The following RFLNA variants were observed in gnomAD, a reference collection of about 807,000 sequenced individuals.
The protein encoded by RFLNA is refilin-A.
Under a neutral mutation model 7.8 loss-of-function variants are expected in RFLNA, and 5 were observed. The ratio of observed to expected loss-of-function variants is 0.64; its 90% CI spans 0.34 to 1.35. RFLNA has a LOEUF of 1.35. RFLNA is among the 40% of genes most tolerant of loss of function. The pLI, the probability that RFLNA is intolerant of heterozygous loss-of-function variation, is 0.04. For synonymous variants in RFLNA, 141 were observed against 131.3 expected, an observed-to-expected ratio of 1.07 and a Z score of -0.50; for missense variants, 278 against 305.5, an observed-to-expected ratio of 0.91 and a Z score of 0.67.
rs995340660 is a variant in RFLNA, at chr12:124,306,899, A to T, written c.208-4919A>T. ...CCGCCCAGCCCGATGTCCACCCTCC[A>T]CTCCCTCTGCCCGAGGCCGGTGTGC... On this transcript the variant is annotated intron_variant, in intron 1 of 2. Transcript: ENST00000546355. This position sits in a 1 kb window ranked among gnomAD's most constrained non-coding sequence, Gnocchi z 5.2. 5.9e-5 allele frequency among the ~76,000 whole-genome samples: 9 copies of T among 151,652 alleles called. No individual in the cohort carries two copies. The highest frequency in any genetic ancestry group is 1.2e-4 in the Non-Finnish European group (8 of 67,926).
At chr12:124,291,125 C>T (rs924834841), upstream of RFLNA, among the ~76,000 whole-genome samples, 1 of 152,220 alleles carries the variant, frequency 6.6e-6, no homozygotes, top group Admixed American at 6.5e-5. Flanking sequence ...AGCCTTCCCC[C>T]ACATCCACCC....
chr12:124,311,774 C>A, intron 1 of RFLNA, 44 bp from the exon 2 acceptor site: 1 of 1,485,466 alleles, frequency 6.7e-7, no homozygotes, highest in Non-Finnish European at 9.0e-7. Context: ...GAGGCCACTG[C>A]AACAAGGGGC....
At chr12:124,308,610 C>A (rs1306874244) in intron 1 of RFLNA, among the ~76,000 whole-genome samples, 1 of 152,242 alleles carries the variant, frequency 6.6e-6, no homozygotes, top group Non-Finnish European at 1.5e-5. Context: ...GGTTTCAGAC[C>A]AGACTGTGAC....
chr12:124,310,180 A>AAAAAAG (rs2034215045), intron 1 of RFLNA, among the ~76,000 whole-genome samples: 1 of 142,378 alleles, frequency 7.0e-6, no homozygotes, highest in African/African-American at 2.5e-5. Flanking sequence ...CTCAAAAAAA[A>AAAAAAG]AAAAAAAAAA....
intron 1 of RFLNA, among the ~76,000 whole-genome samples, chr12:124,304,405 C>G (rs2034102410): frequency 6.6e-6 from 1 of 150,722 alleles, no homozygotes; most frequent in South Asian, 2.1e-4. Context: ...CAGCGGGACC[C>G]TTTGGCAAAT....
intron 1 of RFLNA, among the ~76,000 whole-genome samples, chr12:124,300,762 G>T (rs139662000): frequency 0.21 from 14,263 of 68,730 alleles, 684 homozygotes; most frequent in Non-Finnish European, 0.26. Flanking sequence ...ATGGATGGAT[G>T]GATGGATGGA....
At chr12:124,313,283 C>G (rs1047890028) in intron 2 of RFLNA, among the ~76,000 whole-genome samples, 2 of 152,146 alleles carry the variant, frequency 1.3e-5, no homozygotes, top group East Asian at 3.9e-4. Flanking sequence ...GTCTGATTTC[C>G]TAAAGCTCTG....
rs1171430493 is a variant in RFLNA at position 124,316,007 on chromosome 12, TA to T, written c.*1485del. 1 of 152,258 alleles carries T rather than the reference TA, an allele frequency of 6.6e-6. No homozygotes were observed. The highest frequency in any genetic ancestry group is 1.5e-5 in the Non-Finnish European group (1 of 68,048). 9.4% of individuals were successfully genotyped at this position (152,258 alleles called of 1,614,324 possible). A position where few individuals can be genotyped will look rare whatever the true frequency, so the allele number is the denominator to read the frequency against. Reference sequence around the variant, plus strand: ...TTAAGAAATTGATTGATTATCTTAATAAACTGTGCAAACCCAACGGGACTTC... The same window carrying T: ...TTAAGAAATTGATTGATTATCTTAATAACTGTGCAAACCCAACGGGACTTC... On this transcript the variant is annotated 3_prime_UTR_variant, in exon 3 of 3. Transcript: ENST00000546355.
At chr12:124,296,126 C>CTTTCTTTCTTTCTT (rs1566320083) in intron 1 of RFLNA, among the ~76,000 whole-genome samples, 1 of 1,518 alleles carries the variant, frequency 6.6e-4, no homozygotes, top group African/African-American at 1.1e-3. Flanking sequence ...CTTTCTTTCT[C>CTTTCTTTCTTTCTT]TCTCTCTCTC....
intron 1 of RFLNA, among the ~76,000 whole-genome samples, chr12:124,302,803 G>GC (rs2034062251): frequency 7.0e-6 from 1 of 143,518 alleles, no homozygotes; most frequent in South Asian, 2.3e-4. Flanking sequence ...GAGGTCAGGG[G>GC]CTGAGGTCAG....
chr12:124,303,815 G>T lies in RFLNA; in HGVS notation c.208-8003G>T, dbSNP rs531083754. Among the ~76,000 whole-genome samples, 14 of 152,318 alleles carry T rather than the reference G, an allele frequency of 9.2e-5. No homozygotes were observed. The South Asian group carries it at 2.5e-3, about 27-fold the overall frequency. On this transcript the variant is annotated intron_variant, in intron 1 of 2. Transcript: ENST00000546355. ...TAGACCAGAACAGGAGCCCGGGCCT[G>T]TGGGAGGGCGCTGCAGCCTCACAGA... is the stretch of plus-strand genomic sequence containing the variant.
chr12:124,304,099 C>A (rs946869373), intron 1 of RFLNA, among the ~76,000 whole-genome samples: 2 of 152,258 alleles, frequency 1.3e-5, no homozygotes, highest in African/African-American at 4.8e-5. Flanking sequence ...ACTTCCCTTG[C>A]CCACTCCCCA....
upstream of RFLNA, among the ~76,000 whole-genome samples, chr12:124,291,505 C>G (rs533150912): frequency 1.3e-5 from 2 of 152,276 alleles, no homozygotes; most frequent in African/African-American, 4.8e-5. Flanking sequence ...GATCCACGCA[C>G]CTTGGCCTCC....
At chr12:124,295,753 C>A in intron 1 of RFLNA, 117 bp downstream of exon 1, 7 of 1,070,756 alleles carry the variant, frequency 6.5e-6, no homozygotes, top group Non-Finnish European at 8.3e-6. Flanking sequence ...ACCTGCCCCG[C>A]AACCACGAAG....
intron 1 of RFLNA, among the ~76,000 whole-genome samples, chr12:124,305,074 G>A (rs1344219688): frequency 6.6e-6 from 1 of 152,264 alleles, no homozygotes; most frequent in African/African-American, 2.4e-5. Flanking sequence ...TAGAAGATGA[G>A]GATGGGCCTG....
Position 124,295,113 on chromosome 12 carries a change from G to C in RFLNA, c.-317G>C, listed in dbSNP as rs2033881988. 1 of 152,232 alleles carries C rather than the reference G, an allele frequency of 6.6e-6. No individual in the cohort carries two copies. The highest frequency in any genetic ancestry group is 1.5e-5 in the Non-Finnish European group (1 of 68,020). 9.4% of individuals were successfully genotyped at this position (152,232 alleles called of 1,614,324 possible). On this transcript the variant is annotated 5_prime_UTR_variant, in exon 1 of 3. Transcript: ENST00000546355. Reference sequence around the variant, plus strand: ...GGTGCGGAGAGGGCCGGGCGGCAACGTGCGCCTCGGGGCTGGGCCGGCCTG... The same window carrying C: ...GGTGCGGAGAGGGCCGGGCGGCAACCTGCGCCTCGGGGCTGGGCCGGCCTG...
At chr12:124,311,787 C>A in intron 1 of RFLNA, 31 bp from the exon 2 acceptor site, 1 of 1,523,780 alleles carries the variant, frequency 6.6e-7, no homozygotes, top group Non-Finnish European at 8.8e-7. Flanking sequence ...CAAGGGGCTG[C>A]ATAACCCCGT....
chr12:124,312,316 A>AT (rs11453894), intron 2 of RFLNA, among the ~76,000 whole-genome samples: 42,644 of 144,686 alleles, frequency 0.29, 6,524 homozygotes, highest in East Asian at 0.42. Flanking sequence ...CTCCTGCCAG[A>AT]TTTTTTTTTT....
At chr12:124,300,817 C>G (rs1286549871) in intron 1 of RFLNA, among the ~76,000 whole-genome samples, 1 of 101,400 alleles carries the variant, frequency 9.9e-6, no homozygotes, top group Non-Finnish European at 1.9e-5. Context: ...GATGGATGGA[C>G]AGAAGAATGG....
Sources: allele counts gnomAD v4.1 joint callset (sites outside exome capture counted in the v4.1 genomes callset), GRCh38; gene constraint gnomAD v4.1.1; non-coding constraint Gnocchi (gnomAD v3.1); transcripts MANE v1.5; gene names NCBI Gene and HGNC (gene_info 2026-07-23, HGNC 2026-07-21).